The following CDYL variants were observed in gnomAD, a reference collection of about 807,000 sequenced individuals.
CDYL encodes chromodomain Y-like protein.
Under a neutral mutation model 47.3 loss-of-function variants are expected in CDYL, and 8 were observed. The observed-to-expected ratio is 0.17, with a 90% confidence interval of 0.10 to 0.31. CDYL has a LOEUF of 0.31. Among genes scored for constraint, CDYL ranks in the 10% least tolerant of loss-of-function variants. CDYL has a pLI of 1.00. For missense variants in CDYL, 471 were observed against 701.4 expected, an observed-to-expected ratio of 0.67 and a Z score of 3.71; for synonymous variants, 266 against 265.0, an observed-to-expected ratio of 1.00 and a Z score of -0.04.
At chr6:4,905,916 A>G (rs1364571215) in intron 2 of CDYL, among the ~76,000 whole-genome samples, 2 of 152,258 alleles carry the variant, frequency 1.3e-5, no homozygotes, top group Non-Finnish European at 2.9e-5. Flanking sequence ...CATTTCACCA[A>G]TTGAGTAATT....
intron 1 of CDYL, 108 bp from the exon 2 acceptor site, chr6:4,891,605 T>G: frequency 1.2e-6 from 1 of 821,484 alleles, no homozygotes; most frequent in Non-Finnish European, 1.9e-6. Context: ...AGAGATCATT[T>G]TATCATCTAT....
At chr6:4,876,261 G>T (rs976662412) in intron 1 of CDYL, among the ~76,000 whole-genome samples, 2 of 152,174 alleles carry the variant, frequency 1.3e-5, no homozygotes, top group Admixed American at 6.5e-5. Flanking sequence ...AACGTGTGCT[G>T]TTTCTAGTTT....
chr6:4,845,022 A>G (rs1359381174), intron 1 of CDYL, among the ~76,000 whole-genome samples: 1 of 152,210 alleles, frequency 6.6e-6, no homozygotes. Flanking sequence ...CCATGAAATT[A>G]TTCTTTCTAC....
chr6:4,884,198 A>C (rs1268266482), intron 1 of CDYL, among the ~76,000 whole-genome samples: 2 of 152,240 alleles, frequency 1.3e-5, no homozygotes, highest in Non-Finnish European at 2.9e-5. Context: ...TATCCGTGTC[A>C]GTGGCCCCAA....
chr6:4,827,445 A>G (rs1760010476), intron 1 of CDYL, among the ~76,000 whole-genome samples: 1 of 152,138 alleles, frequency 6.6e-6, no homozygotes. Flanking sequence ...CCTTTTGAAT[A>G]TATAGCTTTT....
intron 3 of CDYL, among the ~76,000 whole-genome samples, chr6:4,763,615 C>T (rs1006844488): frequency 2.0e-5 from 3 of 152,078 alleles, no homozygotes; most frequent in Non-Finnish European, 4.4e-5. Flanking sequence ...GAATATATGG[C>T]TTTCCAGGTA....
chr6:4,843,510 T>G (rs1017805111), intron 1 of CDYL, among the ~76,000 whole-genome samples: 4 of 125,206 alleles, frequency 3.2e-5, no homozygotes, highest in African/African-American at 1.4e-4. Context: ...AGGCTTTTTC[T>G]TTTTTTTTTT....
At chr6:4,910,221 A>G (rs1561703526) in intron 2 of CDYL, among the ~76,000 whole-genome samples, 1 of 152,108 alleles carries the variant, frequency 6.6e-6, no homozygotes, top group Admixed American at 6.6e-5. Context: ...GGCAGCACAT[A>G]TGTTTATTTA....
chr6:4,845,000 A>G (rs577953427), intron 1 of CDYL, among the ~76,000 whole-genome samples: 1 of 152,316 alleles, frequency 6.6e-6, no homozygotes, highest in East Asian at 1.9e-4. Context: ...TATCCAATCA[A>G]AAATAGAAGG....
At chr6:4,833,411 A>T (rs896190208) in intron 1 of CDYL, among the ~76,000 whole-genome samples, 13 of 150,282 alleles carry the variant, frequency 8.7e-5, no homozygotes, top group African/African-American at 3.0e-4. Context: ...CCTGAGTTCT[A>T]GTTTGATTGC....
At chr6:4,940,570 C>A (rs114032219) in intron 4 of CDYL, among the ~76,000 whole-genome samples, 2,194 of 152,304 alleles carry the variant, frequency 0.014, 26 homozygotes, top group South Asian at 0.031. Context: ...GACGAGGATT[C>A]GTGGTTTGCA....
At chr6:4,910,200 G>A (rs1757369779) in intron 2 of CDYL, among the ~76,000 whole-genome samples, 1 of 152,152 alleles carries the variant, frequency 6.6e-6, no homozygotes, top group Non-Finnish European at 1.5e-5. Context: ...AAGCTAAGCT[G>A]CGGGAAGTTA....
At chr6:4,774,271 A>G (rs532650005), upstream of CDYL, among the ~76,000 whole-genome samples, 1 of 152,312 alleles carries the variant, frequency 6.6e-6, no homozygotes, top group East Asian at 1.9e-4. Flanking sequence ...GGGATTTTAA[A>G]CTATCACCTG....
chr6:4,910,800 T>C (rs993619794), intron 2 of CDYL, among the ~76,000 whole-genome samples: 1 of 152,032 alleles, frequency 6.6e-6, no homozygotes, highest in African/African-American at 2.4e-5. Flanking sequence ...TTTCTGATGG[T>C]TTATACACCT....
chr6:4,860,622 CATATT>C (rs1451567701), intron 1 of CDYL, among the ~76,000 whole-genome samples: 1 of 144,418 alleles, frequency 6.9e-6, no homozygotes, highest in Non-Finnish European at 1.5e-5. Flanking sequence ...TATTTTGTAT[CATATT>C]ATGTATATTA....
intron 5 of CDYL, 111 bp downstream of exon 5, chr6:4,943,867 A>C (rs1417113373): frequency 1.3e-6 from 1 of 770,736 alleles, no homozygotes; most frequent in Non-Finnish European, 2.0e-6. Flanking sequence ...TTCTGTGGGG[A>C]CTTTCCATCT....
intron 1 of CDYL, among the ~76,000 whole-genome samples, chr6:4,790,900 A>G (rs888377424): frequency 3.3e-5 from 5 of 152,248 alleles, no homozygotes; most frequent in African/African-American, 1.2e-4. Context: ...CAGAGAAAAT[A>G]TCAGAGATTG....
chr6:4,862,133 C>T (rs1756907469), intron 1 of CDYL, among the ~76,000 whole-genome samples: 2 of 152,044 alleles, frequency 1.3e-5, no homozygotes, highest in African/African-American at 4.8e-5. Flanking sequence ...GGTTCTGTTG[C>T]TGTTTTAACG....
chr6:4,899,800 C>T (rs973126472), intron 2 of CDYL, among the ~76,000 whole-genome samples: 2 of 152,216 alleles, frequency 1.3e-5, no homozygotes, highest in Non-Finnish European at 2.9e-5. Flanking sequence ...GGAACGAACC[C>T]TGCCAGCTCT....
Sources: gnomAD v4.1 joint callset for allele counts (sites outside exome capture counted in the v4.1 genomes callset) on GRCh38, gnomAD v4.1.1 for gene constraint, MANE v1.5 for transcripts, NCBI Gene and HGNC (gene_info 2026-07-23, HGNC 2026-07-21) for gene names.